Variants in CDC20 observed in about 807,000 individuals in gnomAD.
The protein encoded by CDC20 is cell division cycle 20.
Under a neutral mutation model 60.0 loss-of-function variants are expected in CDC20, and 34 were observed. That is an observed-to-expected ratio of 0.57 (90% CI 0.43 to 0.75). CDC20 has a LOEUF of 0.75. Among genes scored for constraint, CDC20 ranks in the 30% least tolerant of loss-of-function variants. The pLI, the probability that CDC20 is intolerant of heterozygous loss-of-function variation, is 0.00. For synonymous variants in CDC20, 198 were observed against 243.5 expected (o/e 0.81, Z 1.74); for missense variants, 469 against 647.3 (o/e 0.72, Z 2.99).
In CDC20 at chr1:43,360,300, A is replaced by G. The variant is rs928539190; in HGVS notation, c.664A>G (p.Met222Val). Reference protein sequence around the residue: ...SSGDILQLLQMEQPGEYISSV... With the variant: ...SSGDILQLLQVEQPGEYISSV... ...TGGTGACATCCTGCAGCTTTTGCAA[A>G]TGGAGCAGCCTGGGGAATATATATC... The change falls in exon 6 of 11, where the codon ATG (methionine) becomes GTG (valine). Residue 222 changes from methionine (M) to valine (V), a missense_variant. Transcript: ENST00000310955. The G allele has an allele frequency of 1.2e-6, 2 of 1,614,204 alleles. No homozygotes were observed. Among genetic ancestry groups the G allele is most frequent in the African/African-American group, 1.3e-5 (1 of 75,050 alleles).
Position 43,363,169 on chromosome 1 carries a change from TAA to T in CDC20, c.*42_*43del, listed in dbSNP as rs1557475317. 6.4e-7 allele frequency: 1 copy of T among 1,563,546 alleles called. No homozygotes were observed. The highest frequency in any genetic ancestry group is 8.7e-7 in the Non-Finnish European group (1 of 1,145,210). On this transcript the variant is annotated 3_prime_UTR_variant, in exon 11 of 11. Transcript: ENST00000310955. ...CCTCAGTTGTTTTTTATTTTTCTAA[TAA>T]AGTCATGTCTCCCTTCATGTTTTTT... is the stretch of plus-strand genomic sequence containing the variant.
rs938418522 is a variant in CDC20, at chr1:43,359,024, T to TGAGCCGAGGTG, written c.-50+20_-50+30dup. Reference sequence around the variant, plus strand: ...AGGGCACGGTGAGAGGTGGTGGGGCTGAGCCGAGGTGGGGCCGTGGCCAGG... The same window carrying TGAGCCGAGGTG: ...AGGGCACGGTGAGAGGTGGTGGGGCTGAGCCGAGGTGGAGCCGAGGTGGGGCCGTGGCCAGG... On this transcript the variant is annotated intron_variant, in intron 1 of 10. Transcript: ENST00000310955. The TGAGCCGAGGTG allele has an allele frequency of 1.1e-5, 7 of 622,996 alleles. No homozygotes were observed. Among genetic ancestry groups the TGAGCCGAGGTG allele is most frequent in the Non-Finnish European group, 2.0e-5 (7 of 353,804 alleles). The allele number at this position is 622,996 out of a possible 1,614,324, so 38.6% of individuals were successfully genotyped here. A position where few individuals can be genotyped will look rare whatever the true frequency, so the allele number is the denominator to read the frequency against.
rs1570480073 is a variant in CDC20, at chr1:43,359,006, G to A, written c.-50G>A. ...CGGTCGGAACTGCTCCGGAGGGCACGGTGAGAGGTGGTGGGGCTGAGCCGA... is the reference window on the plus strand; with the variant it reads ...CGGTCGGAACTGCTCCGGAGGGCACAGTGAGAGGTGGTGGGGCTGAGCCGA... On this transcript the variant is annotated splice_region_variant and 5_prime_UTR_variant, in exon 1 of 11. Coordinates refer to ENST00000310955, the MANE Select transcript of CDC20 (RefSeq NM_001255.3). 1 of 607,620 alleles carries A rather than the reference G, an allele frequency of 1.6e-6. No homozygotes were observed. Among genetic ancestry groups the A allele is most frequent in the Non-Finnish European group, 2.9e-6 (1 of 342,540 alleles). 37.6% of individuals were successfully genotyped at this position (607,620 alleles called of 1,614,324 possible).
chr1:43,362,679 A>G (rs1339764346), intron 10 of CDC20, among the ~76,000 whole-genome samples: 1 of 152,162 alleles, frequency 6.6e-6, no homozygotes, highest in Admixed American at 6.5e-5. Flanking sequence ...CCTGGCTAAC[A>G]TGGTGAAGCC....
chr1:43,360,310 C>T lies in CDC20; in HGVS notation c.674C>T (p.Pro225Leu), dbSNP rs759844021. Residue 225 changes from proline to leucine, a missense_variant, in exon 6 of 11, where the codon CCT becomes CTT. By Grantham distance (98) the Pro-to-Leu change is moderately conservative. This residue lies in a region of CDC20 where 255 missense variants were observed against 326.7 expected (regional missense o/e 0.78). Transcript: ENST00000310955. ...DILQLLQMEQ[P>L]GEYISSVAWI... ...CTGCAGCTTTTGCAAATGGAGCAGC[C>T]TGGGGAATATATATCCTCTGTGGCC... is the stretch of plus-strand genomic sequence containing the variant. 6.2e-6 allele frequency: 10 copies of T among 1,614,076 alleles called. No individual in the cohort carries two copies. Among genetic ancestry groups the T allele is most frequent in the Non-Finnish European group, 3.4e-6 (4 of 1,180,040 alleles).
Position 43,361,131 on chromosome 1 carries a change from G to C in CDC20, c.1089G>C (p.Trp363Cys). The change falls in exon 9 of 11, where the codon TGG (tryptophan) becomes TGC (cysteine). Residue 363 changes from tryptophan to cysteine, a missense_variant. By Grantham distance (215) the Trp-to-Cys change is radical (BLOSUM62 -2). Coordinates refer to ENST00000310955, the MANE Select transcript of CDC20 (RefSeq NM_001255.3). The part of the protein sequence containing the change: ...QHQGAVKAVA[W>C]CPWQSNVLAT... The stretch of plus-strand genomic sequence containing the variant: ...TTTATTCCATCTAGGCCGTAGCATG[G>C]TGTCCCTGGCAGTCCAATGTCCTGG... 2 of 1,614,066 alleles carry C rather than the reference G, an allele frequency of 1.2e-6. No homozygotes were observed. The highest frequency in any genetic ancestry group is 1.7e-6 in the Non-Finnish European group (2 of 1,180,010).
chr1:43,363,069 G>T lies in CDC20; in HGVS notation c.1440G>T (p.Arg480=), dbSNP rs1228561952. The change falls in exon 11 of 11, where the codon CGG becomes CGT. Residue 480 remains arginine (R), a synonymous_variant. Transcript: ENST00000310955. ...WRCFELDPAR[R]REREKASAAK... is the part of the protein sequence containing the mutation. ...GTTTTGAGTTGGACCCTGCGCGGCG[G>T]CGGGAGCGGGAGAAGGCCAGTGCAG... is the stretch of plus-strand genomic sequence containing the variant. 6.2e-7 allele frequency: 1 copy of T among 1,613,396 alleles called. No homozygotes were observed. The highest frequency in any genetic ancestry group is 1.1e-5 in the South Asian group (1 of 90,916).
chr1:43,359,835 T>C lies in CDC20; in HGVS notation c.427+14T>C. 6.2e-7 allele frequency: 1 copy of C among 1,613,176 alleles called. No individual in the cohort carries two copies. The highest frequency in any genetic ancestry group is 8.5e-7 in the Non-Finnish European group (1 of 1,179,428). ...ATGCGCCAGAGGGTAAGACCCGAAG[T>C]TCCTGGTTCCTGGAGGGAGGTGTCA... On this transcript the variant is annotated intron_variant, in intron 4 of 10. Transcript: ENST00000310955.
intron 10 of CDC20, among the ~76,000 whole-genome samples, chr1:43,362,724 G>T (rs528282123): frequency 2.6e-5 from 4 of 152,152 alleles, no homozygotes; most frequent in Non-Finnish European, 5.9e-5. Context: ...AATTAGCCAG[G>T]CGTGGTGGCA....
At position 43,361,289 on chromosome 1, in the gene CDC20, C is replaced by T. The variant is rs200656623; in HGVS notation, c.1203+44C>T. 74 of 1,510,620 alleles carry T rather than the reference C, an allele frequency of 4.9e-5. 1 individual carries two copies. In the South Asian group the frequency reaches 8.0e-4, roughly 16 times the overall value. The allele number at this position is 1,510,620 out of a possible 1,614,324, so 93.6% of individuals were successfully genotyped here. A position where few individuals can be genotyped will look rare whatever the true frequency, so the allele number is the denominator to read the frequency against. On this transcript the variant is annotated intron_variant, in intron 9 of 10. Coordinates refer to ENST00000310955, the MANE Select transcript of CDC20 (RefSeq NM_001255.3). Reference sequence around the variant, plus strand: ...CTGCCTCTCCCACATGCATTCTTACCGGGCAACTACATTCACTCCAATGGC... The same window carrying T: ...CTGCCTCTCCCACATGCATTCTTACTGGGCAACTACATTCACTCCAATGGC...
chr1:43,363,190 G>GTT lies in CDC20; in HGVS notation c.*70_*71dup, dbSNP rs1024986508. On this transcript the variant is annotated 3_prime_UTR_variant, in exon 11 of 11. Coordinates refer to ENST00000310955, the MANE Select transcript of CDC20 (RefSeq NM_001255.3). The stretch of plus-strand genomic sequence containing the variant: ...CTAATAAAGTCATGTCTCCCTTCAT[G>GTT]TTTTTTTTTTAAATCTGTTTCAGCT... 18 of 1,384,278 alleles carry GTT rather than the reference G, an allele frequency of 1.3e-5. No homozygotes were observed. Among genetic ancestry groups the GTT allele is most frequent in the Admixed American group, 2.1e-5 (1 of 47,398 alleles). The allele number at this position is 1,384,278 out of a possible 1,614,324, so 85.7% of individuals were successfully genotyped here. A position where few individuals can be genotyped will look rare whatever the true frequency, so the allele number is the denominator to read the frequency against.
Position 43,359,600 on chromosome 1 carries a change from G to C in CDC20, c.292G>C (p.Glu98Gln). Residue 98 changes from glutamate (E) to glutamine (Q), a missense_variant, in exon 3 of 11, where the codon GAG (glutamate) becomes CAG (glutamine). Coordinates refer to ENST00000310955, the MANE Select transcript of CDC20 (RefSeq NM_001255.3). Reference sequence around the variant, plus strand: ...GGTGGCCAGCTTCCTCCTGAGCAAGGAGAACCAGCCTGAAAACAGCCAGAC... The same window carrying C: ...GGTGGCCAGCTTCCTCCTGAGCAAGCAGAACCAGCCTGAAAACAGCCAGAC... Reference protein sequence around the residue: ...MEVASFLLSKENQPENSQTPT... With the variant: ...MEVASFLLSKQNQPENSQTPT... 6.2e-7 allele frequency: 1 copy of C among 1,613,960 alleles called. No individual in the cohort carries two copies. The highest frequency in any genetic ancestry group is 8.5e-7 in the Non-Finnish European group (1 of 1,180,034).
chr1:43,362,636 G>A (rs1322273289), intron 10 of CDC20, among the ~76,000 whole-genome samples: 4 of 151,976 alleles, frequency 2.6e-5, no homozygotes, highest in African/African-American at 4.8e-5. Flanking sequence ...AGGCTGAGGC[G>A]GGCAGATCAT....
rs2069387 is a variant in CDC20, at chr1:43,362,409, T to G, written c.1321+97T>G. ...ATCCAGAGAAAAAACACATTAATGGTTGCCAGGGGCTGAGAGAGGGTAATG... is the reference window on the plus strand; with the variant it reads ...ATCCAGAGAAAAAACACATTAATGGGTGCCAGGGGCTGAGAGAGGGTAATG... On this transcript the variant is annotated intron_variant, in intron 10 of 10. Transcript: ENST00000310955. 2,953 of 647,742 alleles carry G rather than the reference T, an allele frequency of 4.6e-3. 54 individuals are homozygous for G. The African/African-American group carries it at 0.046, about 10-fold the overall frequency. The allele number at this position is 647,742 out of a possible 1,614,324, so 40.1% of individuals were successfully genotyped here.
intron 4 of CDC20, 42 bp from the exon 5 acceptor site, chr1:43,359,927 G>A (rs1647163857): frequency 7.4e-6 from 12 of 1,613,336 alleles, no homozygotes; most frequent in Non-Finnish European, 9.3e-6. Context: ...GGCAAGGGAG[G>A]TGTTGATTTT....
At chr1:43,361,311 T>G (rs895525736) in intron 9 of CDC20, 66 bp downstream of exon 9, 1 of 1,444,136 alleles carries the variant, frequency 6.9e-7, no homozygotes, top group Non-Finnish European at 9.3e-7. Context: ...TTCACTCCAA[T>G]GGCTTCACCA....
At position 43,361,199 on chromosome 1, in the gene CDC20, A is replaced by C; in HGVS notation, c.1157A>C (p.Asn386Thr). 6.2e-7 allele frequency: 1 copy of C among 1,613,654 alleles called. No homozygotes were observed. ...AGTGATCGACACATTCGCATCTGGA[A>C]TGTGTGCTCTGGGGCCTGTCTGAGT... Reference protein sequence around the residue: ...GTSDRHIRIWNVCSGACLSAV... With the variant: ...GTSDRHIRIWTVCSGACLSAV... Residue 386 changes from asparagine to threonine, a missense_variant, in exon 9 of 11, where the codon AAT (asparagine) becomes ACT (threonine). Physicochemically the swap from Asn to Thr is moderately conservative, Grantham distance 65. Coordinates refer to ENST00000310955, the MANE Select transcript of CDC20 (RefSeq NM_001255.3).
intron 4 of CDC20, 57 bp from the exon 5 acceptor site, chr1:43,359,911 AT>A (rs1647163662): frequency 6.2e-7 from 1 of 1,611,926 alleles, no homozygotes. Flanking sequence ...CCTATCTAAG[AT>A]TGAGGGCAAG....
In CDC20 at chr1:43,359,952, T is replaced by C; in HGVS notation, c.428-17T>C. ...GTGTTGATTTTCCCAGCGTCTAGAC[T>C]CACTCCGTTGCCACAGGTTATCAGA... On this transcript the variant is annotated splice_polypyrimidine_tract_variant and intron_variant, in intron 4 of 10. Coordinates refer to ENST00000310955, the MANE Select transcript of CDC20 (RefSeq NM_001255.3). 1.2e-6 allele frequency: 2 copies of C among 1,614,084 alleles called. No homozygotes were observed. Among genetic ancestry groups the C allele is most frequent in the Non-Finnish European group, 8.5e-7 (1 of 1,179,984 alleles).
Sources: allele counts gnomAD v4.1 joint callset (sites outside exome capture counted in the v4.1 genomes callset), GRCh38; gene constraint gnomAD v4.1.1; regional missense constraint gnomAD v4.1.1; transcripts MANE v1.5; gene names NCBI Gene and HGNC (gene_info 2026-07-23, HGNC 2026-07-21).